ZC3H4: variants seen among roughly 807,000 people sequenced by gnomAD.
ZC3H4 encodes zinc finger CCCH-type containing 4, also known as zinc finger CCCH domain-containing protein 4.
A neutral mutation model predicts 108.3 loss-of-function variants in ZC3H4; 13 were observed. The ratio of observed to expected loss-of-function variants is 0.12; its 90% CI spans 0.08 to 0.19. The LOEUF (loss-of-function observed/expected upper bound fraction) is 0.19, where lower values mean the gene tolerates loss of function less well. Among genes scored for constraint, ZC3H4 ranks in the 10% least tolerant of loss-of-function variants. ZC3H4 has a pLI of 1.00. For synonymous variants in ZC3H4, 917 were observed against 749.6 expected (o/e 1.22, Z -3.65); for missense variants, 1,734 against 1,838.8 (o/e 0.94, Z 1.04).
Position 47,094,560 on chromosome 19 carries a change from C to G in ZC3H4, c.210G>C (p.Glu70Asp), listed in dbSNP as rs370501294. Reference protein sequence around the residue: ...EEGELEDDGAEETQDTSGGPE... With the variant: ...EEGELEDDGADETQDTSGGPE... ...GCCCTCCGGAGGTATCCTGGGTCTC[C>G]TCTGCCCCATCATCTTCCAATTCAC... The change falls in exon 3 of 15, where the codon GAG becomes GAC. Residue 70 changes from glutamate (E) to aspartate (D), a missense_variant. By Grantham distance (45) the Glu-to-Asp change is conservative. Transcript: ENST00000253048. 1 of 1,614,226 alleles carries G rather than the reference C, an allele frequency of 6.2e-7. No homozygotes were observed. Among genetic ancestry groups the G allele is most frequent in the East Asian group, 2.2e-5 (1 of 44,888 alleles).
rs570817320 is a variant in ZC3H4 at position 47,112,596 on chromosome 19, G to C, written c.-5-7C>G. ...GGCGCGGCCTCCATAGTTCCTTTGGGGGGGAGGGGATGTTAATGCACGAAA... is the reference window on the plus strand; with the variant it reads ...GGCGCGGCCTCCATAGTTCCTTTGGCGGGGAGGGGATGTTAATGCACGAAA... On this transcript the variant is annotated splice_region_variant and splice_polypyrimidine_tract_variant and intron_variant, in intron 1 of 14. Coordinates refer to ENST00000253048, the MANE Select transcript of ZC3H4 (RefSeq NM_015168.2). 118 of 1,205,340 alleles carry C rather than the reference G, an allele frequency of 9.8e-5. No homozygotes were observed. Among genetic ancestry groups the C allele is most frequent in the South Asian group, 3.6e-4 (9 of 24,772 alleles). 74.7% of individuals were successfully genotyped at this position (1,205,340 alleles called of 1,614,324 possible).
chr19:47,080,297 C>T (rs900495292), intron 11 of ZC3H4, among the ~76,000 whole-genome samples: 3 of 152,222 alleles, frequency 2.0e-5, no homozygotes, highest in Non-Finnish European at 2.9e-5. Flanking sequence ...GGGAGGACAA[C>T]TGATGCCAGG....
chr19:47,097,168 G>A (rs530098073), intron 2 of ZC3H4, among the ~76,000 whole-genome samples: 7 of 152,310 alleles, frequency 4.6e-5, no homozygotes, highest in African/African-American at 1.7e-4. Flanking sequence ...GCCAAAGAGG[G>A]ATTCTGCACA....
At chr19:47,099,690 T>A (rs531049127) in intron 2 of ZC3H4, among the ~76,000 whole-genome samples, 1 of 151,922 alleles carries the variant, frequency 6.6e-6, no homozygotes, top group East Asian at 1.9e-4. Flanking sequence ...TAGGGAGAGC[T>A]GAGCCCCGGG....
At chr19:47,094,285 G>T in intron 3 of ZC3H4, 104 bp downstream of exon 3, 1 of 1,296,774 alleles carries the variant, frequency 7.7e-7, no homozygotes, top group Non-Finnish European at 1.1e-6. Flanking sequence ...ATAAGCAAAG[G>T]CATTAAGAGT....
At position 47,090,235 on chromosome 19, in the gene ZC3H4, C is replaced by T. The variant is rs368844373; in HGVS notation, c.493-46G>A. 1.9e-5 allele frequency: 31 copies of T among 1,604,076 alleles called. No individual in the cohort carries two copies. In the Middle Eastern group the frequency reaches 5.0e-4, roughly 26 times the overall value. ...AAAGAGGTGAGCCGGATCCCACAGC[C>T]GTGGGTGCAGACTACCAAGATACCC... On this transcript the variant is annotated intron_variant, in intron 4 of 14. Transcript: ENST00000253048.
intron 11 of ZC3H4, among the ~76,000 whole-genome samples, chr19:47,073,637 C>A (rs1444072600): frequency 6.6e-6 from 1 of 152,186 alleles, no homozygotes; most frequent in African/African-American, 2.4e-5. Flanking sequence ...TGTTATGTAA[C>A]CGCCACCTCT....
chr19:47,108,816 G>A (rs1355265542), intron 2 of ZC3H4, among the ~76,000 whole-genome samples: 2 of 152,160 alleles, frequency 1.3e-5, no homozygotes, highest in African/African-American at 4.8e-5. Context: ...ACCTGGGGGA[G>A]AGGACAGGCC....
At position 47,067,935 on chromosome 19, in the gene ZC3H4, C is replaced by G; in HGVS notation, c.2399-66G>C. ...ATCCACCACCCGCCCTCTTGGATCC[C>G]ACAGCAGCCCACCGTGAGCAGCTCC... On this transcript the variant is annotated intron_variant, in intron 14 of 14. Transcript: ENST00000253048. This position sits in a 1 kb window ranked among gnomAD's most constrained non-coding sequence, Gnocchi z 6.4. The G allele has an allele frequency of 6.9e-7, 1 of 1,439,130 alleles. No individual in the cohort carries two copies. The highest frequency in any genetic ancestry group is 9.4e-7 in the Non-Finnish European group (1 of 1,061,182). 89.1% of individuals were successfully genotyped at this position (1,439,130 alleles called of 1,614,324 possible).
chr19:47,091,802 A>G (rs1600080835), intron 4 of ZC3H4, among the ~76,000 whole-genome samples: 1 of 151,364 alleles, frequency 6.6e-6, no homozygotes, highest in South Asian at 2.1e-4. Flanking sequence ...CTGAGGCAGG[A>G]GAATCGCTTG....
chr19:47,085,181 G>C lies in ZC3H4; in HGVS notation c.982C>G (p.Arg328Gly). The C allele has an allele frequency of 6.2e-7, 1 of 1,613,198 alleles. No individual in the cohort carries two copies. Among genetic ancestry groups the C allele is most frequent in the Non-Finnish European group, 8.5e-7 (1 of 1,179,790 alleles). ...CCTCGACCTCGGGAGCCCCTGCCAC[G>C]GCCTCGACTTAGCCCTGTGGAGGGG... ...DSRGRGLSRG[R>G]GRGSRGRGKG... Residue 328 changes from arginine (R) to glycine (G), a missense_variant, in exon 8 of 15, where the codon CGT becomes GGT. By Grantham distance (125) the Arg-to-Gly change is moderately radical. This residue lies in a region of ZC3H4 where 403 missense variants were observed against 457.0 expected (regional missense o/e 0.88). Coordinates refer to ENST00000253048, the MANE Select transcript of ZC3H4 (RefSeq NM_015168.2).
chr19:47,079,767 G>C (rs1444510925), intron 11 of ZC3H4, among the ~76,000 whole-genome samples: 2 of 152,198 alleles, frequency 1.3e-5, no homozygotes, highest in African/African-American at 4.8e-5. Flanking sequence ...TGCGCCTGTA[G>C]TCCCAGCTAC....
At chr19:47,112,257 A>AGAGC in intron 2 of ZC3H4, 167 bp downstream of exon 2, 2 of 1,143,268 alleles carry the variant, frequency 1.7e-6, no homozygotes, top group South Asian at 4.4e-5. Context: ...CAAGCGAGAA[A>AGAGC]GAGCGAGCGA....
chr19:47,072,078 G>C lies in ZC3H4; in HGVS notation c.1846C>G (p.Pro616Ala), dbSNP rs764412135. 2.6e-6 allele frequency: 4 copies of C among 1,565,246 alleles called. No individual in the cohort carries two copies. The South Asian group carries it at 4.7e-5, about 18-fold the overall frequency. Residue 616 changes from proline to alanine, a missense_variant, in exon 13 of 15, where the codon CCC becomes GCC. Physicochemically the swap from Pro to Ala is conservative, Grantham distance 27. This residue lies in a region of ZC3H4 where 540 missense variants were observed against 484.1 expected (regional missense o/e 1.12). Transcript: ENST00000253048. The surrounding 1 kb of genome is among the most constrained non-coding windows in gnomAD (Gnocchi z 5.6). ...ATTGGCCCTGGGGGTCCCATGTTGG[G>C]CCCAGGGCCCATTGGCCCTGGGGGT... The part of the protein sequence containing the change: ...GGPPGPMGPG[P>A]NMGPPGPMGG...
intron 4 of ZC3H4, chr19:47,093,714 C>G (rs1334768518): frequency 2.7e-6 from 1 of 367,772 alleles, no homozygotes; most frequent in East Asian, 4.4e-5. Flanking sequence ...ACCTCTGCCT[C>G]CTGAGTAGCT....
At position 47,067,737 on chromosome 19, in the gene ZC3H4, A is replaced by G. The variant is rs746327428; in HGVS notation, c.2531T>C (p.Leu844Pro). 6.2e-7 allele frequency: 1 copy of G among 1,607,882 alleles called. No individual in the cohort carries two copies. Among genetic ancestry groups the G allele is most frequent in the South Asian group, 1.1e-5 (1 of 90,488 alleles). Residue 844 changes from leucine to proline, a missense_variant, in exon 15 of 15, where the codon CTG (leucine) becomes CCG (proline). Leu to Pro is a moderately conservative substitution (Grantham distance 98). Transcript: ENST00000253048. This position sits in a 1 kb window ranked among gnomAD's most constrained non-coding sequence, Gnocchi z 6.4. ...TCCCTTCTGGAGGCGGGGGTCCCCC[A>G]GCCCACTGCTGCTCAGCTCCCCAAC... ...ASVGELSSSG[L>P]GDPRLQKGHP...
chr19:47,066,779 CGGCT>C lies in ZC3H4; in HGVS notation c.3485_3488del (p.Glu1162GlyfsTer97). On this transcript the variant is annotated frameshift_variant, in exon 15 of 15. Coordinates refer to ENST00000253048, the MANE Select transcript of ZC3H4 (RefSeq NM_015168.2). LOFTEE classifies it high-confidence loss of function. ...TGGGCTGGGCACCCGTGTCAGCAGC[CGGCT>C]CTGTGGCTTTGCCCCCCGCGTTGGG... 3 of 1,601,898 alleles carry C rather than the reference CGGCT, an allele frequency of 1.9e-6. No homozygotes were observed. The highest frequency in any genetic ancestry group is 2.5e-6 in the Non-Finnish European group (3 of 1,178,172).
At chr19:47,095,175 G>A (rs1490670862) in intron 2 of ZC3H4, among the ~76,000 whole-genome samples, 1 of 152,256 alleles carries the variant, frequency 6.6e-6, no homozygotes, top group East Asian at 1.9e-4. Context: ...CTGAGGCTGA[G>A]GGCGGTGGCT....
rs200466870 is a variant in ZC3H4, at chr19:47,090,000, G to A, written c.682C>T (p.Arg228Trp). The change falls in exon 5 of 15, where the codon CGG becomes TGG. Residue 228 changes from arginine (R) to tryptophan (W), a missense_variant. Coordinates refer to ENST00000253048, the MANE Select transcript of ZC3H4 (RefSeq NM_015168.2). Reference protein sequence around the residue: ...DDFTKELNQYRRAKEGSSRGR... With the variant: ...DDFTKELNQYWRAKEGSSRGR... ...CGGCTGCTGCCCTCCTTGGCACGCCGGTACTGGTTCAGCTCTTTGGTGAAG... is the reference window on the plus strand; with the variant it reads ...CGGCTGCTGCCCTCCTTGGCACGCCAGTACTGGTTCAGCTCTTTGGTGAAG... 2.2e-5 allele frequency: 35 copies of A among 1,614,090 alleles called. No homozygotes were observed. Among genetic ancestry groups the A allele is most frequent in the South Asian group, 1.9e-4 (17 of 91,090 alleles).
Sources: allele counts gnomAD v4.1 joint callset (sites outside exome capture counted in the v4.1 genomes callset), GRCh38; gene constraint gnomAD v4.1.1; regional missense constraint gnomAD v4.1.1; non-coding constraint Gnocchi (gnomAD v3.1); transcripts MANE v1.5; gene names NCBI Gene and HGNC (gene_info 2026-07-23, HGNC 2026-07-21).